PDK2: variants seen among roughly 807,000 people sequenced by gnomAD.
The protein encoded by PDK2 is pyruvate dehydrogenase kinase, isozyme 2.
In PDK2, 34 loss-of-function variants were observed where a neutral mutation model predicts 50.4. The observed-to-expected ratio is 0.68, with a 90% CI of 0.51 to 0.90. PDK2 has a LOEUF of 0.90. PDK2 is among the 40% of genes least tolerant of loss of function. PDK2 has a pLI of 0.00. For missense variants in PDK2, 377 were observed against 544.5 expected (o/e 0.69, Z 3.06); for synonymous variants, 232 against 216.0 (o/e 1.07, Z -0.65).
chr17:50,102,674 T>C (rs1910299101), intron 2 of PDK2, among the ~76,000 whole-genome samples: 1 of 152,118 alleles, frequency 6.6e-6, no homozygotes, highest in Non-Finnish European at 1.5e-5. Context: ...GAGCAAGGGA[T>C]TCGGAGCCAC....
rs1055667045 is a variant in PDK2 at position 50,109,734 on chromosome 17, T to G, written c.1084-223T>G. Among the ~76,000 whole-genome samples the G allele has an allele frequency of 2.6e-5, 4 of 152,130 alleles. No individual in the cohort carries two copies. In the South Asian group the frequency reaches 8.3e-4, roughly 32 times the overall value. On this transcript the variant is annotated intron_variant, in intron 10 of 10. Transcript: ENST00000503176. The surrounding 1 kb of genome is among the most constrained non-coding windows in gnomAD (Gnocchi z 5.0). ...CTGAGGCCCGGAGTCCGTGACTTGC[T>G]CAGGGTCACACAGCCCAGCCTCCTC...
intron 7 of PDK2, 32 bp downstream of exon 7, chr17:50,108,264 G>A (rs1910624765): frequency 1.9e-6 from 3 of 1,604,612 alleles, no homozygotes; most frequent in South Asian, 1.1e-5. Context: ...GCTTTGCGGG[G>A]AGCGTGAGTA....
rs2239953 is a variant in PDK2, at chr17:50,111,660, G to A, written c.*1563G>A. 90,435 of 152,162 alleles carry A rather than the reference G, an allele frequency of 0.59. 26,949 individuals are homozygous for A. Among genetic ancestry groups the A allele is most frequent in the African/African-American group, 0.64 (26,655 of 41,460 alleles). The allele number at this position is 152,162 out of a possible 1,614,324, so 9.4% of individuals were successfully genotyped here. On this transcript the variant is annotated 3_prime_UTR_variant, in exon 11 of 11. Coordinates refer to ENST00000503176, the MANE Select transcript of PDK2 (RefSeq NM_002611.5). ...GGAGGAGCTGGAGGGGTTTCCAAGCGGGAGCCCCCAGGCCTCATCGGTAAC... is the reference window on the plus strand; with the variant it reads ...GGAGGAGCTGGAGGGGTTTCCAAGCAGGAGCCCCCAGGCCTCATCGGTAAC...
chr17:50,106,728 G>T (rs540317495), intron 4 of PDK2, 66 bp from the exon 5 acceptor site: 5 of 1,340,856 alleles, frequency 3.7e-6, no homozygotes, highest in Non-Finnish European at 5.4e-6. Flanking sequence ...AGGAAAGCCC[G>T]GGGGAAGAGG....
rs532972514 is a variant in PDK2 at position 50,108,470 on chromosome 17, C to A, written c.861+53C>A. On this transcript the variant is annotated intron_variant, in intron 8 of 10. Transcript: ENST00000503176. Reference sequence around the variant, plus strand: ...AGGGAGCAGTAGTGGGGGCTTCCCTCCTGCCAGGAGACGGGCTTTCCTTTT... The same window carrying A: ...AGGGAGCAGTAGTGGGGGCTTCCCTACTGCCAGGAGACGGGCTTTCCTTTT... The A allele has an allele frequency of 5.5e-5, 82 of 1,478,502 alleles. No homozygotes were observed. The African/African-American group carries it at 9.7e-4, about 17-fold the overall frequency. The allele number at this position is 1,478,502 out of a possible 1,614,324, so 91.6% of individuals were successfully genotyped here. A position where few individuals can be genotyped will look rare whatever the true frequency, so the allele number is the denominator to read the frequency against.
Position 50,110,169 on chromosome 17 carries a change from C to T in PDK2, c.*72C>T. 2 of 1,466,234 alleles carry T rather than the reference C, an allele frequency of 1.4e-6. No homozygotes were observed. The highest frequency in any genetic ancestry group is 1.8e-6 in the Non-Finnish European group (2 of 1,096,402). The allele number at this position is 1,466,234 out of a possible 1,614,324, so 90.8% of individuals were successfully genotyped here. A position where few individuals can be genotyped will look rare whatever the true frequency, so the allele number is the denominator to read the frequency against. On this transcript the variant is annotated 3_prime_UTR_variant, in exon 11 of 11. Coordinates refer to ENST00000503176, the MANE Select transcript of PDK2 (RefSeq NM_002611.5). ...GTCCCCCCACCGTGGTGCCCCTCAC[C>T]ATCCTCCTGGGGGAGCAGGGGGTGG...
At chr17:50,108,779 C>A in intron 9 of PDK2, 60 bp downstream of exon 9, 2 of 928,004 alleles carry the variant, frequency 2.2e-6, no homozygotes, top group Non-Finnish European at 3.4e-6. Flanking sequence ...TCCTCACTCA[C>A]TTCCTTATCT....
Position 50,109,548 on chromosome 17 carries a change from C to T in PDK2, c.1083+148C>T. ...GAATCCAAGCAAAGCTACAGTTCCTCAACCTGAAGAACCCTCAACCCCCAG... is the reference window on the plus strand; with the variant it reads ...GAATCCAAGCAAAGCTACAGTTCCTTAACCTGAAGAACCCTCAACCCCCAG... On this transcript the variant is annotated intron_variant, in intron 10 of 10. Transcript: ENST00000503176. The surrounding 1 kb of genome is among the most constrained non-coding windows in gnomAD (Gnocchi z 5.0). The T allele has an allele frequency of 1.7e-6, 1 of 583,972 alleles. No individual in the cohort carries two copies. The highest frequency in any genetic ancestry group is 2.1e-5 in the South Asian group (1 of 46,542). The allele number at this position is 583,972 out of a possible 1,614,324, so 36.2% of individuals were successfully genotyped here. A position where few individuals can be genotyped will look rare whatever the true frequency, so the allele number is the denominator to read the frequency against.
At chr17:50,097,796 T>G (rs1910025655) in intron 2 of PDK2, 2 of 471,776 alleles carry the variant, frequency 4.2e-6, no homozygotes, top group Non-Finnish European at 3.8e-6. Context: ...ACCACCCACC[T>G]TTCTCTGGAA....
At chr17:50,096,789 A>C (rs1181739036) in intron 1 of PDK2, among the ~76,000 whole-genome samples, 1 of 152,190 alleles carries the variant, frequency 6.6e-6, no homozygotes. Flanking sequence ...AGCCTGATGG[A>C]CTGGAACCCA....
chr17:50,095,948 C>T, intron 1 of PDK2: 1 of 496,934 alleles, frequency 2.0e-6, no homozygotes, highest in Non-Finnish European at 2.7e-6. Flanking sequence ...CGGGGGTCTG[C>T]TGGTGGGAGT....
rs201743986 is a variant in PDK2 at position 50,101,555 on chromosome 17, G to GC, written c.261-3816_261-3815insC. On this transcript the variant is annotated intron_variant, in intron 2 of 10. Transcript: ENST00000503176. The surrounding 1 kb of genome is among the most constrained non-coding windows in gnomAD (Gnocchi z 4.2). ...TACACCCTGCTCCCCAGCAGCTGTGGATACGAGTGCACAGGGCACACCCTC... is the reference window on the plus strand; with the variant it reads ...TACACCCTGCTCCCCAGCAGCTGTGGCATACGAGTGCACAGGGCACACCCTC... 0.022 allele frequency among the ~76,000 whole-genome samples: 3,304 copies of GC among 152,176 alleles called. 105 individuals carry two copies. The highest frequency in any genetic ancestry group is 0.071 in the African/African-American group (2,927 of 41,498).
rs1335197423 is a variant in PDK2, at chr17:50,110,049, T to G, written c.1176T>G (p.Cys392Trp). 2 of 1,611,132 alleles carry G rather than the reference T, an allele frequency of 1.2e-6. No homozygotes were observed. Among genetic ancestry groups the G allele is most frequent in the Admixed American group, 3.3e-5 (2 of 59,768 alleles). The change falls in exon 11 of 11, where the codon TGT becomes TGG. Residue 392 changes from cysteine (C) to tryptophan (W), a missense_variant. Around this residue, in one of 3 missense-constraint regions of PDK2, gnomAD observed 214 missense variants for 294.0 expected, o/e 0.73. Transcript: ENST00000503176. ...CCATCCAGGAGGCCGGCGACTGGTG[T>G]GTGCCCAGCACGGAGCCCAAGAACA... ...YQTIQEAGDW[C>W]VPSTEPKNTS...
rs1910512184 is a variant in PDK2, at chr17:50,106,273, G to A, written c.517+204G>A. The A allele has an allele frequency of 5.8e-6, 8 of 1,382,492 alleles. No individual in the cohort carries two copies. In the East Asian group the frequency reaches 7.7e-5, roughly 13 times the overall value. 85.6% of individuals were successfully genotyped at this position (1,382,492 alleles called of 1,614,324 possible). A position where few individuals can be genotyped will look rare whatever the true frequency, so the allele number is the denominator to read the frequency against. ...TCTCATTGATTTTCCATTTCAAAAC[G>A]TTTTGTTTTCAGTGTTTGCAAAATG... On this transcript the variant is annotated intron_variant, in intron 4 of 10. Coordinates refer to ENST00000503176, the MANE Select transcript of PDK2 (RefSeq NM_002611.5).
rs368095948 is a variant in PDK2, at chr17:50,105,916, C to A, written c.364C>A (p.Arg122=). 2.4e-5 allele frequency: 38 copies of A among 1,613,518 alleles called. No homozygotes were observed. The African/African-American group carries it at 4.8e-4, about 20-fold the overall frequency. The change falls in exon 4 of 11, where the codon CGG becomes AGG. Residue 122 remains arginine, a synonymous_variant. Coordinates refer to ENST00000503176, the MANE Select transcript of PDK2 (RefSeq NM_002611.5). ...FTDALVTIRN[R]HNDVVPTMAQ... ...TGACGCCCTGGTCACCATCCGGAAC[C>A]GGCACAACGACGTGGTGCCCACCAT... is the stretch of plus-strand genomic sequence containing the variant.
At chr17:50,095,253 C>T (rs1048768111), upstream of PDK2, 6 of 550,286 alleles carry the variant, frequency 1.1e-5, no homozygotes, top group African/African-American at 8.0e-5. Flanking sequence ...ATTGGTTCGC[C>T]CGGAGTTGTT....
chr17:50,095,977 G>A (rs1488673886), intron 1 of PDK2: 6 of 510,020 alleles, frequency 1.2e-5, no homozygotes, highest in Non-Finnish European at 1.5e-5. Flanking sequence ...AGGGTTTAGA[G>A]GTGCAGCCAT....
chr17:50,098,346 A>T (rs1370214646), intron 2 of PDK2: 1 of 152,248 alleles, frequency 6.6e-6, no homozygotes, highest in African/African-American at 2.4e-5. Context: ...ACGTGCCCAC[A>T]TGTATTCTGA....
At chr17:50,096,027 C>T in intron 1 of PDK2, 1 of 778,256 alleles carries the variant, frequency 1.3e-6, no homozygotes, top group African/African-American at 1.9e-5. Flanking sequence ...GGTCAGACAC[C>T]CCTGGGCAGA....
Sources: allele counts gnomAD v4.1 joint callset (sites outside exome capture counted in the v4.1 genomes callset), GRCh38; gene constraint gnomAD v4.1.1; regional missense constraint gnomAD v4.1.1; non-coding constraint Gnocchi (gnomAD v3.1); transcripts MANE v1.5; gene names NCBI Gene and HGNC (gene_info 2026-07-23, HGNC 2026-07-21).